PPP2R1A: variants seen among roughly 807,000 people sequenced by gnomAD.
The protein encoded by PPP2R1A is serine/threonine-protein phosphatase 2A 65 kDa regulatory subunit A alpha isoform.
PPP2R1A carries 15 observed loss-of-function variants against 67.1 expected under a neutral mutation model. That is an observed-to-expected ratio of 0.22 (90% CI 0.15 to 0.34). The LOEUF is 0.34. Among genes scored for constraint, PPP2R1A ranks in the 10% least tolerant of loss-of-function variants. The probability of loss-of-function intolerance (pLI) is 1.00; values close to 1 mark genes in which losing one functional copy is unlikely to be tolerated. For synonymous variants in PPP2R1A, 337 were observed against 325.0 expected (o/e 1.04, Z -0.40); for missense variants, 369 against 775.0 (o/e 0.48, Z 6.22).
intron 1 of PPP2R1A, among the ~76,000 whole-genome samples, chr19:52,193,984 C>G (rs2089476385): frequency 6.8e-6 from 1 of 147,276 alleles, no homozygotes; most frequent in Non-Finnish European, 1.5e-5. Flanking sequence ...TGTGATGACA[C>G]AGGCCTTGGT....
In PPP2R1A at chr19:52,219,681, C is replaced by A. The variant is rs376294458; in HGVS notation, c.1129-10C>A. ...TGCATTCTCTCAGAATCCTTCTTTC[C>A]TCTCCTCAGTGCCCTGAGGTACGGC... On this transcript the variant is annotated splice_polypyrimidine_tract_variant and intron_variant, in intron 9 of 14. Coordinates refer to ENST00000322088, the MANE Select transcript of PPP2R1A (RefSeq NM_014225.6). This position sits in a 1 kb window ranked among gnomAD's most constrained non-coding sequence, Gnocchi z 4.0. 8 of 1,602,938 alleles carry A rather than the reference C, an allele frequency of 5.0e-6. No individual in the cohort carries two copies. Among genetic ancestry groups the A allele is most frequent in the Non-Finnish European group, 6.0e-6 (7 of 1,172,202 alleles).
chr19:52,202,104 G>A (rs1020325846), intron 2 of PPP2R1A, 70 bp downstream of exon 2: 17 of 1,309,528 alleles, frequency 1.3e-5, no homozygotes, highest in African/African-American at 1.5e-5. Flanking sequence ...TATAAGAGAA[G>A]ACTTGTGGAT....
intron 12 of PPP2R1A, 39 bp downstream of exon 12, chr19:52,221,172 A>G (rs1398703239): frequency 6.2e-7 from 1 of 1,612,626 alleles, no homozygotes; most frequent in Admixed American, 1.7e-5. Context: ...TCCCTAGGGA[A>G]CTGGAGCGCG....
chr19:52,196,714 A>G (rs953483838), intron 1 of PPP2R1A, among the ~76,000 whole-genome samples: 2 of 152,170 alleles, frequency 1.3e-5, no homozygotes, highest in Non-Finnish European at 2.9e-5. Flanking sequence ...TCTGGTGGCA[A>G]TCCAGGCTGC....
rs928447668 is a variant in PPP2R1A, at chr19:52,205,108, C to T, written c.170-855C>T. Among the ~76,000 whole-genome samples, 7 of 152,178 alleles carry T rather than the reference C, an allele frequency of 4.6e-5. No homozygotes were observed. The East Asian group carries it at 7.7e-4, about 17-fold the overall frequency. On this transcript the variant is annotated intron_variant, in intron 2 of 14. Transcript: ENST00000322088. The stretch of plus-strand genomic sequence containing the variant: ...TACGTGGCCTTGCCAACTGCAAGGG[C>T]GTCTGGGAAATGCAGTCGGCTGCTG...
At chr19:52,209,803 A>G (rs962796759) in intron 3 of PPP2R1A, among the ~76,000 whole-genome samples, 4 of 152,242 alleles carry the variant, frequency 2.6e-5, no homozygotes, top group African/African-American at 9.6e-5. Context: ...AACATCTTCA[A>G]GGTTCATCCA....
Position 52,222,139 on chromosome 19 carries a change from A to G in PPP2R1A, c.1559A>G (p.His520Arg). The change falls in exon 13 of 15, where the codon CAC becomes CGC. Residue 520 changes from histidine (H) to arginine (R), a missense_variant. By Grantham distance (29) the His-to-Arg change is conservative. Around this residue, in one of 2 missense-constraint regions of PPP2R1A, gnomAD observed 276 missense variants for 508.4 expected, o/e 0.54. Coordinates refer to ENST00000322088, the MANE Select transcript of PPP2R1A (RefSeq NM_014225.6). Reference protein sequence around the residue: ...EVCGQDITTKHMLPTVLRMAG... With the variant: ...EVCGQDITTKRMLPTVLRMAG... The stretch of plus-strand genomic sequence containing the variant: ...TGTGGGCAGGACATCACCACCAAGC[A>G]CATGCTACCCACGGTTCTGCGCATG... 1 of 1,614,038 alleles carries G rather than the reference A, an allele frequency of 6.2e-7. No individual in the cohort carries two copies. Among genetic ancestry groups the G allele is most frequent in the African/African-American group, 1.3e-5 (1 of 75,038 alleles).
chr19:52,206,295 C>G (rs1176602936), intron 3 of PPP2R1A, among the ~76,000 whole-genome samples: 1 of 152,138 alleles, frequency 6.6e-6, no homozygotes, highest in Non-Finnish European at 1.5e-5. Context: ...CAGTGCCAGG[C>G]CTTACCTGGG....
intron 13 of PPP2R1A, 32 bp from the exon 14 acceptor site, chr19:52,225,685 C>T: frequency 6.2e-7 from 1 of 1,601,044 alleles, no homozygotes; most frequent in East Asian, 2.2e-5. Context: ...CCTGGCTCAC[C>T]CTCTCTCTCC....
chr19:52,225,829 A>C (rs41275802), intron 14 of PPP2R1A, 21 bp downstream of exon 14: 59,204 of 1,612,752 alleles, frequency 0.037, 1,358 homozygotes, highest in African/African-American at 0.093. Flanking sequence ...GAAAGCACGG[A>C]GCCCTAGCAG....
At chr19:52,201,231 T>C (rs1455760084) in intron 1 of PPP2R1A, 1 of 152,296 alleles carries the variant, frequency 6.6e-6, no homozygotes, top group Non-Finnish European at 1.5e-5. Flanking sequence ...TTGAGGCTGC[T>C]ATTCAGCCTC....
intron 1 of PPP2R1A, among the ~76,000 whole-genome samples, chr19:52,193,790 A>T (rs551496803): frequency 6.6e-6 from 1 of 151,870 alleles, no homozygotes; most frequent in Admixed American, 6.6e-5. Context: ...GGCTGGTCTC[A>T]AACTCCCTGC....
intron 1 of PPP2R1A, among the ~76,000 whole-genome samples, chr19:52,190,867 C>CT (rs753830143): frequency 3.3e-5 from 5 of 152,094 alleles, no homozygotes; most frequent in Admixed American, 6.6e-5. Context: ...TTATTTATTT[C>CT]TTTTTTTTGA....
At chr19:52,206,104 G>A (rs2089598911) in intron 3 of PPP2R1A, 41 bp downstream of exon 3, 1 of 1,578,074 alleles carries the variant, frequency 6.3e-7, no homozygotes, top group Non-Finnish European at 8.7e-7. Context: ...ACCCCTTAGG[G>A]TCGGCCCATG....
Position 52,216,738 on chromosome 19 carries a change from T to C in PPP2R1A, c.1128+75T>C. 2 of 1,596,404 alleles carry C rather than the reference T, an allele frequency of 1.3e-6. No individual in the cohort carries two copies. The highest frequency in any genetic ancestry group is 1.7e-6 in the Non-Finnish European group (2 of 1,166,354). ...TCTTCCTAGATTGCTAGGGTTTACC[T>C]AGATTGACCAGGAATCTGCTGATAT... On this transcript the variant is annotated intron_variant, in intron 9 of 14. Coordinates refer to ENST00000322088, the MANE Select transcript of PPP2R1A (RefSeq NM_014225.6). The surrounding 1 kb of genome is among the most constrained non-coding windows in gnomAD (Gnocchi z 4.3).
chr19:52,219,542 A>G lies in PPP2R1A; in HGVS notation c.1129-149A>G, dbSNP rs1021791744. 2.8e-6 allele frequency: 2 copies of G among 713,390 alleles called. No homozygotes were observed. Among genetic ancestry groups the G allele is most frequent in the Non-Finnish European group, 4.4e-6 (2 of 455,252 alleles). The allele number at this position is 713,390 out of a possible 1,614,324, so 44.2% of individuals were successfully genotyped here. On this transcript the variant is annotated intron_variant, in intron 9 of 14. Transcript: ENST00000322088. The surrounding 1 kb of genome is among the most constrained non-coding windows in gnomAD (Gnocchi z 4.0). ...TGCTGCTTGCTTTTTGTGTGCCGTT[A>G]ATGTGTTCCCAGAACGGGGAGCTGG... is the stretch of plus-strand genomic sequence containing the variant.
chr19:52,219,801 G>A lies in PPP2R1A; in HGVS notation c.1239G>A (p.Glu413=). ...SLLPAIVELA[E]DAKWRVRLAI... is the part of the protein sequence containing the mutation. ...TCCCTGCCATTGTGGAGCTGGCTGAGGACGCCAAGTGGCGGGTGCGGCTGG... is the reference window on the plus strand; with the variant it reads ...TCCCTGCCATTGTGGAGCTGGCTGAAGACGCCAAGTGGCGGGTGCGGCTGG... The change falls in exon 10 of 15, where the codon GAG becomes GAA. Residue 413 remains glutamate (E), a synonymous_variant. Transcript: ENST00000322088. This position sits in a 1 kb window ranked among gnomAD's most constrained non-coding sequence, Gnocchi z 4.0. The A allele has an allele frequency of 6.2e-7, 1 of 1,614,008 alleles. No individual in the cohort carries two copies. The highest frequency in any genetic ancestry group is 8.5e-7 in the Non-Finnish European group (1 of 1,180,052).
At chr19:52,197,496 GA>G (rs922474771) in intron 1 of PPP2R1A, among the ~76,000 whole-genome samples, 1 of 152,084 alleles carries the variant, frequency 6.6e-6, no homozygotes, top group Non-Finnish European at 1.5e-5. Flanking sequence ...GCAACATAGT[GA>G]GGCCTCATCC....
chr19:52,203,870 G>A (rs994824979), intron 2 of PPP2R1A, among the ~76,000 whole-genome samples: 4 of 152,162 alleles, frequency 2.6e-5, no homozygotes, highest in African/African-American at 9.7e-5. Context: ...AGAACTCAGG[G>A]AAACACTTAT....
Sources: gnomAD v4.1 joint callset for allele counts (sites outside exome capture counted in the v4.1 genomes callset) on GRCh38, gnomAD v4.1.1 for gene constraint, gnomAD v4.1.1 regional missense constraint, Gnocchi (gnomAD v3.1) non-coding constraint, MANE v1.5 for transcripts, NCBI Gene and HGNC (gene_info 2026-07-23, HGNC 2026-07-21) for gene names.